Variants in ALK observed in about 807,000 individuals in gnomAD.
ALK encodes ALK tyrosine kinase receptor.
ALK carries 74 observed loss-of-function variants against 163.1 expected under a neutral mutation model. The ratio of observed to expected loss-of-function variants is 0.45; its 90% confidence interval spans 0.38 to 0.55. The LOEUF (loss-of-function observed/expected upper bound fraction) is 0.55, where lower values mean the gene tolerates loss of function less well. Among genes scored for constraint, ALK ranks in the 20% least tolerant of loss-of-function variants. ALK has a pLI of 0.00. For missense variants in ALK, 2,063 were observed against 2,105.3 expected, an observed-to-expected ratio of 0.98 and a Z score of 0.39; for synonymous variants, 960 against 843.2, an observed-to-expected ratio of 1.14 and a Z score of -2.40.
chr2:29,859,622 A>G (rs1289538141), intron 1 of ALK, among the ~76,000 whole-genome samples: 1 of 151,962 alleles, frequency 6.6e-6, no homozygotes. Flanking sequence ...GTCGCTTGTG[A>G]AAAAAAATAA....
At chr2:29,607,972 A>G (rs745816937) in intron 3 of ALK, among the ~76,000 whole-genome samples, 1 of 151,992 alleles carries the variant, frequency 6.6e-6, no homozygotes, top group African/African-American at 2.4e-5. Flanking sequence ...CTTTTTTACA[A>G]AGGCTTTTAT....
At chr2:29,872,751 T>A (rs1388066114) in intron 1 of ALK, among the ~76,000 whole-genome samples, 1 of 152,250 alleles carries the variant, frequency 6.6e-6, no homozygotes, top group East Asian at 1.9e-4. Context: ...CTACTGTAAG[T>A]CAGTGACCCT....
intron 3 of ALK, among the ~76,000 whole-genome samples, chr2:29,636,200 A>C (rs987932506): frequency 1.7e-4 from 26 of 152,196 alleles, no homozygotes; most frequent in African/African-American, 6.3e-4. Flanking sequence ...AAATGAGAAC[A>C]CAGAAACAGA....
intron 4 of ALK, among the ~76,000 whole-genome samples, chr2:29,401,227 G>A (rs1311028962): frequency 3.3e-5 from 5 of 152,100 alleles, no homozygotes; most frequent in Non-Finnish European, 2.9e-5. Context: ...TGACGTGGCC[G>A]CTGTTTGCAG....
intron 9 of ALK, among the ~76,000 whole-genome samples, chr2:29,288,974 AT>A (rs71403655): frequency 0.022 from 3,155 of 140,596 alleles, 433 homozygotes; most frequent in African/African-American, 0.049. Context: ...AAATAAATAA[AT>A]AAATAAATAA....
In ALK at chr2:29,515,867, G is replaced by A. The variant is rs150423132; in HGVS notation, c.1154+16048C>T. 5.9e-5 allele frequency among the ~76,000 whole-genome samples: 9 copies of A among 152,334 alleles called. No individual in the cohort carries two copies. The East Asian group carries it at 1.2e-3, about 20-fold the overall frequency. ...GGCATCAAAAGGCACAGGCAAGAGG[G>A]GAAAGTTCAATTAGAGGAAGATGTT... On this transcript the variant is annotated intron_variant, in intron 4 of 28. Transcript: ENST00000389048.
intron 12 of ALK, among the ~76,000 whole-genome samples, chr2:29,240,188 T>A (rs1315931618): frequency 7.0e-6 from 1 of 142,634 alleles, no homozygotes; most frequent in Non-Finnish European, 1.5e-5. Flanking sequence ...GAGAGGAGAC[T>A]ATATGAATGT....
chr2:29,508,355 A>T (rs1418526553), intron 4 of ALK, among the ~76,000 whole-genome samples: 1 of 152,192 alleles, frequency 6.6e-6, no homozygotes, highest in Admixed American at 6.5e-5. Flanking sequence ...ACCATGGAAT[A>T]CTATGCAGCC....
chr2:29,389,879 G>A lies in ALK; in HGVS notation c.1155-6020C>T, dbSNP rs1240579448. On this transcript the variant is annotated intron_variant, in intron 4 of 28. Coordinates refer to ENST00000389048, the MANE Select transcript of ALK (RefSeq NM_004304.5). The stretch of plus-strand genomic sequence containing the variant: ...TGCCAAGAGCGAATCAGAAGGAACC[G>A]GAGAATTATGTAATTGAGACCTGGA... 2.6e-5 allele frequency among the ~76,000 whole-genome samples: 4 copies of A among 152,192 alleles called. No homozygotes were observed. The East Asian group carries it at 5.8e-4, about 22-fold the overall frequency.
intron 11 of ALK, among the ~76,000 whole-genome samples, chr2:29,264,931 C>T (rs533477879): frequency 6.6e-6 from 1 of 152,094 alleles, no homozygotes; most frequent in Non-Finnish European, 1.5e-5. Flanking sequence ...CATACTCACT[C>T]GAACACACAC....
intron 1 of ALK, among the ~76,000 whole-genome samples, chr2:29,752,573 C>T (rs1680401597): frequency 6.6e-6 from 1 of 151,890 alleles, no homozygotes; most frequent in South Asian, 2.1e-4. Flanking sequence ...TGGTCTCGAT[C>T]TCCTGACCTC....
At chr2:29,641,797 T>G (rs1211973103) in intron 3 of ALK, among the ~76,000 whole-genome samples, 1 of 152,152 alleles carries the variant, frequency 6.6e-6, no homozygotes, top group Admixed American at 6.5e-5. Flanking sequence ...GGCAGCAAAA[T>G]GTATAAGGGT....
intron 4 of ALK, among the ~76,000 whole-genome samples, chr2:29,490,810 A>C (rs1671882847): frequency 2.0e-5 from 3 of 152,220 alleles, no homozygotes; most frequent in South Asian, 4.1e-4. Context: ...ACATGAAATA[A>C]CCATCTCATG....
At chr2:29,347,755 A>G (rs1015203426) in intron 5 of ALK, among the ~76,000 whole-genome samples, 3 of 152,186 alleles carry the variant, frequency 2.0e-5, no homozygotes, top group African/African-American at 7.2e-5. Context: ...CTGCCGATCT[A>G]GCTCTTTCCA....
intron 1 of ALK, among the ~76,000 whole-genome samples, chr2:29,798,861 G>C (rs943555970): frequency 5.3e-5 from 8 of 152,216 alleles, no homozygotes; most frequent in Non-Finnish European, 1.5e-5. Context: ...GGGAGAAAGA[G>C]GGAAAGAATG....
At chr2:29,775,300 A>G (rs1044841021) in intron 1 of ALK, among the ~76,000 whole-genome samples, 3 of 152,192 alleles carry the variant, frequency 2.0e-5, no homozygotes. Context: ...CTTTAACTGG[A>G]AAGTCAGAGA....
At chr2:29,836,464 C>T (rs970549692) in intron 1 of ALK, among the ~76,000 whole-genome samples, 10 of 152,096 alleles carry the variant, frequency 6.6e-5, no homozygotes, top group African/African-American at 2.2e-4. Flanking sequence ...TTGGAATGCT[C>T]GTGTCAGCAA....
intron 4 of ALK, among the ~76,000 whole-genome samples, chr2:29,506,017 T>C (rs576827261): frequency 6.6e-6 from 1 of 152,278 alleles, no homozygotes; most frequent in African/African-American, 2.4e-5. Flanking sequence ...GAGCCAGTTT[T>C]TTTCTGAGAG....
chr2:29,390,797 G>A (rs1429635040), intron 4 of ALK, among the ~76,000 whole-genome samples: 2 of 152,202 alleles, frequency 1.3e-5, no homozygotes, highest in African/African-American at 4.8e-5. Flanking sequence ...GTAAATTTTA[G>A]TGTGAGGTCC....
Sources: gnomAD v4.1 joint callset for allele counts (sites outside exome capture counted in the v4.1 genomes callset) on GRCh38, gnomAD v4.1.1 for gene constraint, MANE v1.5 for transcripts, NCBI Gene and HGNC (gene_info 2026-07-23, HGNC 2026-07-21) for gene names.